The following RGS17 variants were observed in gnomAD, a reference collection of about 807,000 sequenced individuals.
RGS17 encodes regulator of G-protein signaling 17.
RGS17 carries 12 observed loss-of-function variants against 25.5 expected under a neutral mutation model. That is an observed-to-expected ratio of 0.47 (90% CI 0.30 to 0.76). The LOEUF (loss-of-function observed/expected upper bound fraction) is 0.76, where lower values mean the gene tolerates loss of function less well. Ranked by LOEUF, RGS17 falls within the 30% of genes least tolerant of loss-of-function variation. The probability of loss-of-function intolerance (pLI) is 0.07; values close to 1 mark genes in which losing one functional copy is unlikely to be tolerated. For synonymous variants in RGS17, 71 were observed against 76.9 expected, an observed-to-expected ratio of 0.92 and a Z score of 0.40; for missense variants, 196 against 242.2, an observed-to-expected ratio of 0.81 and a Z score of 1.27.
intron 3 of RGS17, 55 bp from the exon 4 acceptor site, chr6:153,024,551 T>C (rs1253823370): frequency 1.6e-5 from 21 of 1,280,930 alleles, no homozygotes; most frequent in Non-Finnish European, 2.3e-5. Flanking sequence ...CAGTGAATGC[T>C]AGACCAGGTA....
At chr6:153,069,739 CGTGTGTGT>C (rs60117149) in intron 1 of RGS17, among the ~76,000 whole-genome samples, 12 of 140,938 alleles carry the variant, frequency 8.5e-5, no homozygotes, top group African/African-American at 2.8e-4. Flanking sequence ...ATATACACCT[CGTGTGTGT>C]GTGTGTGTGT....
intron 1 of RGS17, among the ~76,000 whole-genome samples, chr6:153,067,640 C>T (rs1262554177): frequency 6.6e-6 from 1 of 152,038 alleles, no homozygotes; most frequent in Admixed American, 6.6e-5. Flanking sequence ...TCATAAAACA[C>T]TGATGAAATA....
At chr6:153,092,731 G>A (rs980557273) in intron 1 of RGS17, among the ~76,000 whole-genome samples, 1 of 152,192 alleles carries the variant, frequency 6.6e-6, no homozygotes, top group African/African-American at 2.4e-5. Context: ...GCCTGTGAAT[G>A]TTTTGGAATT....
chr6:153,086,553 C>T (rs1417553307), intron 1 of RGS17, among the ~76,000 whole-genome samples: 4 of 152,166 alleles, frequency 2.6e-5, no homozygotes, highest in Non-Finnish European at 4.4e-5. Context: ...TATCTTCTTT[C>T]GATTCCATGT....
intron 3 of RGS17, 45 bp downstream of exon 3, chr6:153,026,409 G>A (rs757161630): frequency 2.9e-6 from 4 of 1,376,152 alleles, no homozygotes; most frequent in Non-Finnish European, 4.1e-6. Context: ...GATGTAAATG[G>A]CATATAAATG....
At chr6:153,119,094 T>G (rs912275465) in intron 1 of RGS17, among the ~76,000 whole-genome samples, 6 of 152,220 alleles carry the variant, frequency 3.9e-5, no homozygotes, top group African/African-American at 1.4e-4. Flanking sequence ...AGGATTCTAT[T>G]CTAAGCTCAC....
At chr6:153,070,742 T>C (rs1776780780) in intron 1 of RGS17, among the ~76,000 whole-genome samples, 1 of 150,868 alleles carries the variant, frequency 6.6e-6, no homozygotes, top group Non-Finnish European at 1.5e-5. Context: ...TACACATACA[T>C]AGACGTATAT....
intron 4 of RGS17, among the ~76,000 whole-genome samples, chr6:153,021,436 C>T (rs980831698): frequency 2.3e-4 from 35 of 152,106 alleles, no homozygotes; most frequent in Admixed American, 2.6e-4. Flanking sequence ...TCGGAATAGC[C>T]GGAAAGTGCA....
intron 1 of RGS17, among the ~76,000 whole-genome samples, chr6:153,049,170 G>A (rs748242793): frequency 4.6e-5 from 7 of 151,932 alleles, no homozygotes; most frequent in Non-Finnish European, 1.0e-4. Flanking sequence ...CAAGAGATTC[G>A]GCAGATAAGT....
At chr6:153,054,092 T>TATATATATATGTATATATATA (rs1393844507) in intron 1 of RGS17, among the ~76,000 whole-genome samples, 1 of 42,084 alleles carries the variant, frequency 2.4e-5, no homozygotes, top group Non-Finnish European at 3.8e-5. Context: ...ACAATATTTT[T>TATATATATATGTATATATATA]TATATATATA....
intron 1 of RGS17, among the ~76,000 whole-genome samples, chr6:153,102,354 G>T (rs1334886784): frequency 2.0e-5 from 3 of 152,240 alleles, no homozygotes; most frequent in Non-Finnish European, 4.4e-5. Flanking sequence ...AATTCAGACA[G>T]ACTAGTTCTA....
Position 153,031,449 on chromosome 6 carries a change from C to G in RGS17, c.120-4906G>C, listed in dbSNP as rs541370425. Among the ~76,000 whole-genome samples, 3 of 152,308 alleles carry G rather than the reference C, an allele frequency of 2.0e-5. No individual in the cohort carries two copies. In the East Asian group the frequency reaches 5.8e-4, roughly 29 times the overall value. On this transcript the variant is annotated intron_variant, in intron 2 of 4. Transcript: ENST00000206262. ...CTTTGTCATTATTACACAACACTTC[C>G]TCATCCATTACCTTGTCACTTCCTC...
At position 153,062,341 on chromosome 6, in the gene RGS17, A is replaced by G. The variant is rs186671692; in HGVS notation, c.-25-18298T>C. ...TAGGCTCTAAGGGAGGGACAACACA[A>G]CAATTGTAAGGCTTTGAACTCAGTG... On this transcript the variant is annotated intron_variant, in intron 1 of 4. Coordinates refer to ENST00000206262, the MANE Select transcript of RGS17 (RefSeq NM_012419.5). 1.2e-3 allele frequency among the ~76,000 whole-genome samples: 185 copies of G among 152,232 alleles called. 1 individual carries two copies. The highest frequency in any genetic ancestry group is 4.2e-3 in the African/African-American group (175 of 41,536).
chr6:153,107,247 C>T (rs1468372825), intron 1 of RGS17, among the ~76,000 whole-genome samples: 4 of 152,014 alleles, frequency 2.6e-5, no homozygotes, highest in South Asian at 2.1e-4. Flanking sequence ...GCAGGAGAAT[C>T]GCTTGAACCC....
intron 4 of RGS17, among the ~76,000 whole-genome samples, chr6:153,022,487 A>G (rs1468094013): frequency 6.6e-6 from 1 of 152,180 alleles, no homozygotes; most frequent in Non-Finnish European, 1.5e-5. Flanking sequence ...CTGAAAAAGA[A>G]TGGAACAGTC....
chr6:153,070,982 CAT>C (rs137955398), intron 1 of RGS17, among the ~76,000 whole-genome samples: 10,733 of 149,940 alleles, frequency 0.072, 496 homozygotes, highest in Admixed American at 0.14. Context: ...TATGTACACA[CAT>C]GTGTGTATAT....
At chr6:153,052,838 G>A (rs1223333770) in intron 1 of RGS17, among the ~76,000 whole-genome samples, 1 of 152,106 alleles carries the variant, frequency 6.6e-6, no homozygotes, top group Non-Finnish European at 1.5e-5. Context: ...AAGAGGTGGG[G>A]CCTATGGACG....
chr6:153,027,665 A>G (rs1779317226), intron 2 of RGS17, among the ~76,000 whole-genome samples: 1 of 152,198 alleles, frequency 6.6e-6, no homozygotes, highest in South Asian at 2.1e-4. Context: ...CAGATGAGCA[A>G]AGTGAGGTGC....
chr6:153,076,390 A>G (rs1039680986), intron 1 of RGS17, among the ~76,000 whole-genome samples: 13 of 152,216 alleles, frequency 8.5e-5, no homozygotes, highest in Non-Finnish European at 1.5e-4. Context: ...CAACTGAATT[A>G]GAATTATTCA....
Sources: allele counts gnomAD v4.1 joint callset (sites outside exome capture counted in the v4.1 genomes callset), GRCh38; gene constraint gnomAD v4.1.1; transcripts MANE v1.5; gene names NCBI Gene and HGNC (gene_info 2026-07-23, HGNC 2026-07-21).